Variants in CYRIB observed in about 807,000 individuals in gnomAD.
CYRIB encodes CYFIP-related Rac1 interactor B.
In CYRIB, 8 loss-of-function variants were observed where a neutral mutation model predicts 44.2. The observed-to-expected ratio is 0.18, with a 90% confidence interval of 0.11 to 0.33. CYRIB has a LOEUF of 0.33. CYRIB is among the 10% of genes least tolerant of loss of function. CYRIB has a pLI of 1.00. For missense variants in CYRIB, 185 were observed against 382.8 expected (o/e 0.48, Z 4.31); for synonymous variants, 131 against 127.2 (o/e 1.03, Z -0.20).
At chr8:129,864,512 GGAA>G (rs1334136049) in intron 4 of CYRIB, 4 of 165,066 alleles carry the variant, frequency 2.4e-5, no homozygotes, top group Non-Finnish European at 5.3e-5. Context: ...GAGGCATGGA[GGAA>G]GAAGTAGTTT....
At chr8:129,912,785 A>G (rs1249222711) in intron 1 of CYRIB, among the ~76,000 whole-genome samples, 2 of 152,042 alleles carry the variant, frequency 1.3e-5, no homozygotes, top group Non-Finnish European at 2.9e-5. Flanking sequence ...TAATGAAGGC[A>G]TATTAAAGAG....
exon 6 of CYRIB, chr8:129,855,698 A>T: frequency 3.1e-6 from 5 of 1,613,982 alleles, no homozygotes; most frequent in Non-Finnish European, 3.4e-6. Flanking sequence ...GCTGGGTGGG[A>T]GAATATGGGG....
chr8:129,962,290 GA>G (rs555736682), intron 2 of CYRIB, among the ~76,000 whole-genome samples: 5 of 151,434 alleles, frequency 3.3e-5, no homozygotes, highest in African/African-American at 9.7e-5. Flanking sequence ...GACAGAAAAA[GA>G]AAAAAAATTA....
At chr8:129,854,612 C>G (rs1472005950) in intron 6 of CYRIB, among the ~76,000 whole-genome samples, 1 of 151,946 alleles carries the variant, frequency 6.6e-6, no homozygotes, top group Non-Finnish European at 1.5e-5. Flanking sequence ...ATCAAATAAA[C>G]AAAAACAAAA....
intron 1 of CYRIB, among the ~76,000 whole-genome samples, chr8:129,996,016 A>C (rs2096755923): frequency 6.6e-6 from 1 of 152,194 alleles, no homozygotes; most frequent in South Asian, 2.1e-4. Flanking sequence ...CTGGGAAATG[A>C]ACCCTGTTTT....
At chr8:129,961,151 G>A (rs1231735222) in intron 2 of CYRIB, among the ~76,000 whole-genome samples, 1 of 152,118 alleles carries the variant, frequency 6.6e-6, no homozygotes, top group Non-Finnish European at 1.5e-5. Flanking sequence ...TTCTTCCCCT[G>A]AAAAATGGAG....
At chr8:129,840,452 A>C (rs942651191) in exon 12 of CYRIB, 3 of 152,168 alleles carry the variant, frequency 2.0e-5, no homozygotes, top group African/African-American at 7.2e-5. Context: ...CAGGTCCTTG[A>C]TTTCATCTGC....
chr8:129,898,262 C>T (rs940607652), intron 2 of CYRIB, among the ~76,000 whole-genome samples: 15 of 151,702 alleles, frequency 9.9e-5, no homozygotes, highest in African/African-American at 1.9e-4. Flanking sequence ...AATAAATGAA[C>T]GTTTATTGTG....
chr8:129,916,301 C>G (rs554246458), intron 1 of CYRIB, among the ~76,000 whole-genome samples: 21 of 152,100 alleles, frequency 1.4e-4, no homozygotes, highest in Non-Finnish European at 1.3e-4. Flanking sequence ...AAATGGTTAA[C>G]CTACTTCTGT....
intron 2 of CYRIB, among the ~76,000 whole-genome samples, chr8:129,889,317 T>G (rs1033092245): frequency 1.7e-4 from 26 of 152,326 alleles, no homozygotes; most frequent in African/African-American, 6.0e-4. Flanking sequence ...AGAACTCTAA[T>G]GGAAATGTGT....
In CYRIB at chr8:129,935,588, G is replaced by A. The variant is rs187246180; in HGVS notation, c.-50+4020C>T. On this transcript the variant is annotated intron_variant, in intron 1 of 11. Transcript: ENST00000519824. ...AGTTCCAAACAGGCCACGGCCCAGG[G>A]GTTGGGGACCCCTGCTCTAGACACA... Among the ~76,000 whole-genome samples the A allele has an allele frequency of 3.6e-3, 549 of 152,302 alleles. 7 individuals carry two copies. Among genetic ancestry groups the A allele is most frequent in the Admixed American group, 0.018 (272 of 15,290 alleles).
Position 129,883,112 on chromosome 8 carries a change from C to CAAAAAAAAAAAA in CYRIB, c.-10-3653_-10-3642dup, listed in dbSNP as rs34764499. ...TAGGCAACAGAGCTAGACTCCCTCT[C>CAAAAAAAAAAAA]AAAAAAAAAAAAAAAAAAAAAAAAA... On this transcript the variant is annotated intron_variant, in intron 2 of 11. Transcript: ENST00000519824. Among the ~76,000 whole-genome samples, 113 of 41,258 alleles carry CAAAAAAAAAAAA rather than the reference C, an allele frequency of 2.7e-3. 3 individuals carry two copies. Among genetic ancestry groups the CAAAAAAAAAAAA allele is most frequent in the African/African-American group, 4.2e-3 (43 of 10,350 alleles). The allele number at this position is 41,258 out of a possible 152,430, so 27.1% of individuals were successfully genotyped here. A position where few individuals can be genotyped will look rare whatever the true frequency, so the allele number is the denominator to read the frequency against.
chr8:129,860,905 C>G (rs938312224), intron 5 of CYRIB, among the ~76,000 whole-genome samples: 8 of 150,886 alleles, frequency 5.3e-5, no homozygotes, highest in African/African-American at 1.9e-4. Context: ...AAGTGTTAAA[C>G]CTGGCAACTA....
intron 6 of CYRIB, among the ~76,000 whole-genome samples, chr8:129,855,390 C>CAAAA (rs200820053): frequency 2.0e-5 from 2 of 102,352 alleles, no homozygotes; most frequent in African/African-American, 6.8e-5. Context: ...GGCTCTGCCT[C>CAAAA]AAAAAAAAAA....
chr8:129,842,341 C>G (rs1371328881), intron 11 of CYRIB, 136 bp from the exon 14 acceptor site: 4 of 652,502 alleles, frequency 6.1e-6, no homozygotes, highest in Non-Finnish European at 1.1e-5. Flanking sequence ...TAGCTTTAAC[C>G]CTGTTCAGGT....
chr8:129,847,232 G>C (rs937519177), intron 10 of CYRIB: 11 of 171,986 alleles, frequency 6.4e-5, no homozygotes, highest in Non-Finnish European at 1.4e-4. Context: ...GGGAGGCTGA[G>C]GCGGGCGGAT....
intron 1 of CYRIB, among the ~76,000 whole-genome samples, chr8:129,907,520 C>G (rs956125036): frequency 2.0e-5 from 3 of 151,754 alleles, no homozygotes; most frequent in African/African-American, 7.3e-5. Flanking sequence ...TGCAGCACAC[C>G]AACATGGCAC....
At chr8:129,853,079 G>T (rs2044205312) in intron 7 of CYRIB, among the ~76,000 whole-genome samples, 2 of 152,174 alleles carry the variant, frequency 1.3e-5, no homozygotes, top group African/African-American at 4.8e-5. Context: ...TGTTGGAACA[G>T]TGGGAGGAGG....
At chr8:129,886,526 T>C (rs2062814988) in intron 2 of CYRIB, among the ~76,000 whole-genome samples, 2 of 152,314 alleles carry the variant, frequency 1.3e-5, no homozygotes, top group Middle Eastern at 3.4e-3. Flanking sequence ...TTGCTTCTCT[T>C]TGCAGCAAAA....
Sources: allele counts gnomAD v4.1 joint callset (sites outside exome capture counted in the v4.1 genomes callset), GRCh38; gene constraint gnomAD v4.1.1; transcripts MANE v1.5; gene names NCBI Gene and HGNC (gene_info 2026-07-23, HGNC 2026-07-21).